PRKD1: variants seen among roughly 807,000 people sequenced by gnomAD.
The protein encoded by PRKD1 is serine/threonine-protein kinase D1.
PRKD1 carries 63 observed loss-of-function variants against 95.9 expected under a neutral mutation model. That is an observed-to-expected ratio of 0.66 (90% CI 0.54 to 0.81). PRKD1 has a LOEUF of 0.81. Among genes scored for constraint, PRKD1 ranks in the 30% least tolerant of loss-of-function variants. The pLI, the probability that PRKD1 is intolerant of heterozygous loss-of-function variation, is 0.00. For synonymous variants in PRKD1, 425 were observed against 423.1 expected, an observed-to-expected ratio of 1.00 and a Z score of -0.05; for missense variants, 1,048 against 1,165.3, an observed-to-expected ratio of 0.90 and a Z score of 1.47.
At chr14:29,593,462 C>T (rs1381598970) in intron 16 of PRKD1, among the ~76,000 whole-genome samples, 1 of 152,140 alleles carries the variant, frequency 6.6e-6, no homozygotes, top group African/African-American at 2.4e-5. Flanking sequence ...CCAGTCAGAG[C>T]CAGGCTCCTG....
chr14:29,842,187 A>C (rs1271426997), intron 1 of PRKD1, among the ~76,000 whole-genome samples: 1 of 152,232 alleles, frequency 6.6e-6, no homozygotes. Flanking sequence ...GTTGTTTTGC[A>C]GTTAACTTGT....
intron 1 of PRKD1, among the ~76,000 whole-genome samples, chr14:29,864,890 G>T (rs1250941792): frequency 6.6e-6 from 1 of 152,116 alleles, no homozygotes; most frequent in Non-Finnish European, 1.5e-5. Context: ...CTCCTGAATT[G>T]TTTATAGGTC....
rs140173275 is a variant in PRKD1, at chr14:29,908,305, T to A, written c.264+18944A>T. Among the ~76,000 whole-genome samples, 256 of 152,322 alleles carry A rather than the reference T, an allele frequency of 1.7e-3. 1 individual carries two copies. Among genetic ancestry groups the A allele is most frequent in the African/African-American group, 5.8e-3 (242 of 41,574 alleles). On this transcript the variant is annotated intron_variant, in intron 1 of 17. Transcript: ENST00000331968. Reference sequence around the variant, plus strand: ...CAATATGCATATTACATCAGTAATCTTTTTTTCTTGAGTCAGAGACTCACA... The same window carrying A: ...CAATATGCATATTACATCAGTAATCATTTTTTCTTGAGTCAGAGACTCACA...
intron 1 of PRKD1, among the ~76,000 whole-genome samples, chr14:29,897,776 T>C (rs1007319793): frequency 6.6e-6 from 1 of 152,128 alleles, no homozygotes; most frequent in Non-Finnish European, 1.5e-5. Flanking sequence ...CCATACAATC[T>C]CATAGTATTT....
intron 2 of PRKD1, among the ~76,000 whole-genome samples, chr14:29,686,099 T>A (rs1452798723): frequency 6.6e-6 from 1 of 152,184 alleles, no homozygotes; most frequent in Non-Finnish European, 1.5e-5. Flanking sequence ...TCTTTAATAG[T>A]TTTGTGAAAA....
At chr14:29,709,094 T>C (rs964978069) in intron 2 of PRKD1, among the ~76,000 whole-genome samples, 2 of 152,278 alleles carry the variant, frequency 1.3e-5, no homozygotes, top group Non-Finnish European at 2.9e-5. Context: ...AAGAGCTTCC[T>C]ATATCTATTG....
In PRKD1 at chr14:29,810,211, T is replaced by C. The variant is rs567413734; in HGVS notation, c.265-84537A>G. ...ATAAAAGTTTGAAAAATGGTGATAA[T>C]TACCAAAACATGACACAGAAACTTG... On this transcript the variant is annotated intron_variant, in intron 1 of 17. Coordinates refer to ENST00000331968, the MANE Select transcript of PRKD1 (RefSeq NM_002742.3). Among the ~76,000 whole-genome samples the C allele has an allele frequency of 5.4e-4, 82 of 152,292 alleles. No individual in the cohort carries two copies. The Middle Eastern group carries it at 0.01, about 19-fold the overall frequency.
At position 29,577,042 on chromosome 14, in the gene PRKD1, A is replaced by G; in HGVS notation, c.*196T>C. The G allele has an allele frequency of 1.6e-6, 1 of 630,570 alleles. No homozygotes were observed. The highest frequency in any genetic ancestry group is 2.0e-5 in the South Asian group (1 of 50,008). 39.1% of individuals were successfully genotyped at this position (630,570 alleles called of 1,614,324 possible). ...GTTTCAGGGAACTTTTGTTAATACA[A>G]CACAGTTGGTCACACAAAATACAAA... is the stretch of plus-strand genomic sequence containing the variant. On this transcript the variant is annotated 3_prime_UTR_variant, in exon 18 of 18. Transcript: ENST00000331968.
chr14:29,636,186 C>T, intron 7 of PRKD1, 104 bp downstream of exon 7: 1 of 1,330,200 alleles, frequency 7.5e-7, no homozygotes, highest in Non-Finnish European at 1.1e-6. Context: ...AGTAAACGTG[C>T]ACTTCACATT....
intron 1 of PRKD1, among the ~76,000 whole-genome samples, chr14:29,761,737 C>T (rs978318377): frequency 6.6e-6 from 1 of 151,528 alleles, no homozygotes; most frequent in African/African-American, 2.4e-5. Flanking sequence ...TCCTTTTTAC[C>T]CTTTAATAGG....
intron 7 of PRKD1, among the ~76,000 whole-genome samples, chr14:29,634,858 C>A (rs1322824511): frequency 6.6e-6 from 1 of 151,868 alleles, no homozygotes; most frequent in Non-Finnish European, 1.5e-5. Flanking sequence ...ATGGTGAAAC[C>A]CCGTCTCTAC....
chr14:29,850,481 T>C (rs78883339), intron 1 of PRKD1, among the ~76,000 whole-genome samples: 11,122 of 140,418 alleles, frequency 0.079, 527 homozygotes, highest in Non-Finnish European at 0.12. Context: ...CACACACACA[T>C]ATACACACAC....
rs534755534 is a variant in PRKD1 at position 29,710,923 on chromosome 14, C to T, written c.403+14613G>A. ...ATCTGATTTCAAAACTAGAAAGATG[C>T]ATTTGTGCTTGTCTCCCTCGTTCTG... On this transcript the variant is annotated intron_variant, in intron 2 of 17. Transcript: ENST00000331968. 2.0e-5 allele frequency among the ~76,000 whole-genome samples: 3 copies of T among 152,232 alleles called. No homozygotes were observed. The East Asian group carries it at 5.8e-4, about 29-fold the overall frequency.
intron 2 of PRKD1, among the ~76,000 whole-genome samples, chr14:29,709,412 A>T (rs907209666): frequency 1.3e-5 from 2 of 152,182 alleles, no homozygotes; most frequent in African/African-American, 4.8e-5. Flanking sequence ...GCGAGAAGGC[A>T]CAGAGTCAGG....
intron 1 of PRKD1, among the ~76,000 whole-genome samples, chr14:29,878,904 C>T (rs1336294107): frequency 6.6e-6 from 1 of 152,100 alleles, no homozygotes; most frequent in Non-Finnish European, 1.5e-5. Context: ...TAAATTTATA[C>T]TATGTATCTC....
chr14:29,927,109 G>T, intron 1 of PRKD1, 140 bp downstream of exon 1: 2 of 927,324 alleles, frequency 2.2e-6, no homozygotes, highest in Non-Finnish European at 2.8e-6. Flanking sequence ...CCGCGGCGGG[G>T]CCAGCCGCTT....
chr14:29,630,372 C>G (rs1879916825), intron 10 of PRKD1, among the ~76,000 whole-genome samples: 1 of 152,018 alleles, frequency 6.6e-6, no homozygotes, highest in African/African-American at 2.4e-5. Flanking sequence ...ACTCTTGGCT[C>G]AAGTCCTCCA....
intron 1 of PRKD1, among the ~76,000 whole-genome samples, chr14:29,779,221 C>G (rs1888920752): frequency 6.6e-6 from 1 of 152,154 alleles, no homozygotes; most frequent in Non-Finnish European, 1.5e-5. Flanking sequence ...CCTTTGAAAA[C>G]TGGCACAAGA....
chr14:29,580,588 G>C (rs770444799), intron 16 of PRKD1, among the ~76,000 whole-genome samples: 8 of 152,100 alleles, frequency 5.3e-5, no homozygotes, highest in Non-Finnish European at 8.8e-5. Flanking sequence ...AAATAGGTCC[G>C]TCATTTGTAG....
Sources: allele counts gnomAD v4.1 joint callset (sites outside exome capture counted in the v4.1 genomes callset), GRCh38; gene constraint gnomAD v4.1.1; transcripts MANE v1.5; gene names NCBI Gene and HGNC (gene_info 2026-07-23, HGNC 2026-07-21).